Variants in MTCL1 observed in about 807,000 individuals in gnomAD.
MTCL1 encodes microtubule crosslinking factor 1.
Under a neutral mutation model 141.4 loss-of-function variants are expected in MTCL1, and 79 were observed. The ratio of observed to expected loss-of-function variants is 0.56; its 90% CI spans 0.47 to 0.67. The LOEUF (loss-of-function observed/expected upper bound fraction) is 0.67. Among genes scored for constraint, MTCL1 ranks in the 30% least tolerant of loss-of-function variants. The pLI is 0.00. For synonymous variants in MTCL1, 914 were observed against 875.8 expected (o/e 1.04, Z -0.77); for missense variants, 2,177 against 2,113.9 (o/e 1.03, Z -0.59).
At chr18:8,769,061 C>G (rs527855378) in intron 4 of MTCL1, among the ~76,000 whole-genome samples, 1 of 152,118 alleles carries the variant, frequency 6.6e-6, no homozygotes, top group South Asian at 2.1e-4. Context: ...TCCCAAAGTG[C>G]GGGGAATACA....
At chr18:8,783,479 A>G in intron 5 of MTCL1, 51 bp from the exon 5 acceptor site, 1 of 1,482,950 alleles carries the variant, frequency 6.7e-7, no homozygotes, top group South Asian at 1.4e-5. Flanking sequence ...AAAAACACGA[A>G]CATTTGGTAT....
At chr18:8,780,704 A>T (rs1350235353) in intron 5 of MTCL1, among the ~76,000 whole-genome samples, 1 of 152,218 alleles carries the variant, frequency 6.6e-6, no homozygotes, top group Admixed American at 6.5e-5. Flanking sequence ...CATGGGAACA[A>T]CAAAGACCTG....
intron 6 of MTCL1, among the ~76,000 whole-genome samples, chr18:8,785,347 C>T (rs911254509): frequency 5.3e-5 from 8 of 152,222 alleles, no homozygotes; most frequent in East Asian, 3.9e-4. Flanking sequence ...AGCCCAGGCC[C>T]CCACTCCCAC....
intron 12 of MTCL1, among the ~76,000 whole-genome samples, chr18:8,813,672 A>G (rs1285116417): frequency 1.3e-5 from 2 of 152,358 alleles, no homozygotes; most frequent in Admixed American, 6.5e-5. Flanking sequence ...TAGAAAAGAA[A>G]TTGCTGAATT....
rs1452964338 is a variant in MTCL1, at chr18:8,789,523, CCTTTGTCA to C, written c.1887+3433_1887+3440del. On this transcript the variant is annotated intron_variant, in intron 7 of 16. Transcript: ENST00000359865. ...CTTTCTCTGGAGGTAGGGAAGTTAG[CCTTTGTCA>C]ATCAGTGTGGGATGCAGCTCTATTG... 1.2e-5 allele frequency: 12 copies of C among 985,338 alleles called. No homozygotes were observed. In the South Asian group the frequency reaches 3.8e-4, roughly 31 times the overall value. The allele number at this position is 985,338 out of a possible 1,614,324, so 61.0% of individuals were successfully genotyped here.
chr18:8,819,071 G>T, exon 13 of MTCL1: 1 of 1,614,286 alleles, frequency 6.2e-7, no homozygotes, highest in Non-Finnish European at 8.5e-7. Context: ...GCCCCGTCCA[G>T]TGGCCATGTG....
In MTCL1 at chr18:8,830,710, A is replaced by C; in HGVS notation, c.*19-897A>C. On this transcript the variant is annotated intron_variant, in intron 16 of 16. Transcript: ENST00000359865. The surrounding 1 kb of genome is among the most constrained non-coding windows in gnomAD (Gnocchi z 6.4). Reference sequence around the variant, plus strand: ...CCAGTGTCTGAGTGTCATTCCAGCCAGCGGGCTCCATGCTGGGCAACTCAG... The same window carrying C: ...CCAGTGTCTGAGTGTCATTCCAGCCCGCGGGCTCCATGCTGGGCAACTCAG... 2 of 985,476 alleles carry C rather than the reference A, an allele frequency of 2.0e-6. No individual in the cohort carries two copies. The highest frequency in any genetic ancestry group is 2.4e-6 in the Non-Finnish European group (2 of 829,944). The allele number at this position is 985,476 out of a possible 1,614,324, so 61.0% of individuals were successfully genotyped here.
At chr18:8,797,981 G>A in intron 9 of MTCL1, 116 bp from the exon 9 acceptor site, 1 of 1,022,724 alleles carries the variant, frequency 9.8e-7, no homozygotes, top group Non-Finnish European at 1.4e-6. Flanking sequence ...TAAGGACTGA[G>A]AAGTATAGGC....
At chr18:8,815,418 A>G (rs528536976) in intron 12 of MTCL1, among the ~76,000 whole-genome samples, 2 of 152,186 alleles carry the variant, frequency 1.3e-5, no homozygotes, top group South Asian at 4.2e-4. Context: ...GGAATTGAAC[A>G]GTGAGATCAC....
intron 4 of MTCL1, among the ~76,000 whole-genome samples, chr18:8,762,483 C>T (rs1041113419): frequency 1.3e-5 from 2 of 152,258 alleles, no homozygotes; most frequent in Admixed American, 1.3e-4. Flanking sequence ...GGGACACCCC[C>T]ACTAAGGAGG....
intron 7 of MTCL1, among the ~76,000 whole-genome samples, chr18:8,790,997 A>G (rs1001447397): frequency 6.6e-6 from 1 of 152,214 alleles, no homozygotes; most frequent in African/African-American, 2.4e-5. Flanking sequence ...CCTGGGCGAC[A>G]GAGCGAGACC....
chr18:8,831,132 C>T (rs1352665276), intron 16 of MTCL1: 1 of 988,326 alleles, frequency 1.0e-6, no homozygotes, highest in Non-Finnish European at 1.2e-6. Flanking sequence ...CCATTGCTAA[C>T]ACAGCTGAAT....
intron 4 of MTCL1, among the ~76,000 whole-genome samples, chr18:8,722,575 G>A (rs1481194623): frequency 2.0e-5 from 3 of 152,038 alleles, no homozygotes; most frequent in South Asian, 2.1e-4. Flanking sequence ...ATAAAATGTT[G>A]TTAAAATCAT....
intron 4 of MTCL1, among the ~76,000 whole-genome samples, chr18:8,738,682 A>G (rs898500999): frequency 2.0e-5 from 3 of 152,218 alleles, no homozygotes; most frequent in Admixed American, 1.3e-4. Context: ...TGCTTTTTAA[A>G]GTCAGGTTAG....
chr18:8,710,457 C>CTTTTTTTTTTTTTTTTTTTTTTTT (rs59830434), intron 1 of MTCL1, among the ~76,000 whole-genome samples: 3 of 121,818 alleles, frequency 2.5e-5, no homozygotes, highest in African/African-American at 3.2e-5. Flanking sequence ...CAGGCACTTT[C>CTTTTTTTTTTTTTTTTTTTTTTTT]TTTTTTTTTT....
At chr18:8,728,834 A>G (rs192521963) in intron 4 of MTCL1, among the ~76,000 whole-genome samples, 110 of 142,276 alleles carry the variant, frequency 7.7e-4, no homozygotes, top group Middle Eastern at 8.1e-3. Context: ...TCCCGAGTTC[A>G]AGCGATTCTC....
intron 6 of MTCL1, 82 bp downstream of exon 5, chr18:8,784,925 C>A: frequency 8.2e-7 from 1 of 1,218,096 alleles, no homozygotes; most frequent in Non-Finnish European, 1.1e-6. Context: ...CGGGCTCACG[C>A]TGCTCACGGC....
chr18:8,830,097 C>T lies in MTCL1; in HGVS notation c.*18+1133C>T, dbSNP rs765399746. 2.0e-6 allele frequency: 2 copies of T among 985,422 alleles called. No individual in the cohort carries two copies. Among genetic ancestry groups the T allele is most frequent in the Non-Finnish European group, 2.4e-6 (2 of 830,038 alleles). 61.0% of individuals were successfully genotyped at this position (985,422 alleles called of 1,614,324 possible). On this transcript the variant is annotated intron_variant, in intron 16 of 16. Transcript: ENST00000359865. This position sits in a 1 kb window ranked among gnomAD's most constrained non-coding sequence, Gnocchi z 6.4. The stretch of plus-strand genomic sequence containing the variant: ...CACACTACTTCTATAACAAGGGGAG[C>T]GCAGACACAAAACACACAGATTTCC...
chr18:8,815,517 T>A (rs938442741), intron 12 of MTCL1, among the ~76,000 whole-genome samples: 1 of 151,594 alleles, frequency 6.6e-6, no homozygotes, highest in Non-Finnish European at 1.5e-5. Context: ...TACCTAATGC[T>A]AAATGACGAG....
Sources: allele counts gnomAD v4.1 joint callset (sites outside exome capture counted in the v4.1 genomes callset), GRCh38; gene constraint gnomAD v4.1.1; non-coding constraint Gnocchi (gnomAD v3.1); transcripts MANE v1.5; gene names NCBI Gene and HGNC (gene_info 2026-07-23, HGNC 2026-07-21).